DENND2C: variants seen among roughly 807,000 people sequenced by gnomAD.
The protein encoded by DENND2C is DENN domain containing 2C.
Under a neutral mutation model 112.4 loss-of-function variants are expected in DENND2C, and 72 were observed. The ratio of observed to expected loss-of-function variants is 0.64; its 90% CI spans 0.53 to 0.78. DENND2C has a LOEUF of 0.78. Among genes scored for constraint, DENND2C ranks in the 30% least tolerant of loss-of-function variants. The pLI is 0.00. For synonymous variants in DENND2C, 329 were observed against 381.6 expected (o/e 0.86, Z 1.61); for missense variants, 992 against 1,113.8 (o/e 0.89, Z 1.56).
intron 17 of DENND2C, among the ~76,000 whole-genome samples, 190 bp from the exon 18 acceptor site, chr1:114,594,768 A>C (rs1201554950): frequency 6.6e-6 from 1 of 152,172 alleles, no homozygotes; most frequent in Admixed American, 6.5e-5. Context: ...AACTATATTA[A>C]AAAAATATAT....
At chr1:114,613,774 G>A (rs988910192) in intron 8 of DENND2C, among the ~76,000 whole-genome samples, 2 of 152,270 alleles carry the variant, frequency 1.3e-5, no homozygotes, top group East Asian at 3.9e-4. Flanking sequence ...ATGAATGAAG[G>A]TTAGTGGGAT....
At chr1:114,636,263 A>T (rs1354386053) in intron 3 of DENND2C, among the ~76,000 whole-genome samples, 3 of 152,140 alleles carry the variant, frequency 2.0e-5, no homozygotes, top group Admixed American at 2.0e-4. Flanking sequence ...TAAATAAAAA[A>T]ACCCACTGCT....
At chr1:114,637,982 A>G (rs1045938155) in intron 3 of DENND2C, among the ~76,000 whole-genome samples, 2 of 152,192 alleles carry the variant, frequency 1.3e-5, no homozygotes, top group Non-Finnish European at 2.9e-5. Flanking sequence ...AAGAATCTAG[A>G]TTAGCCTAAA....
intron 2 of DENND2C, among the ~76,000 whole-genome samples, chr1:114,649,433 G>A (rs1266393720): frequency 2.0e-5 from 3 of 151,938 alleles, no homozygotes; most frequent in Admixed American, 6.6e-5. Flanking sequence ...CCAGAGGCAC[G>A]GTGTGATCAT....
chr1:114,659,963 T>TG (rs35254129), intron 1 of DENND2C, among the ~76,000 whole-genome samples: 133,071 of 152,038 alleles, frequency 0.88, 58,740 homozygotes, highest in African/African-American at 0.96. Context: ...GCTAATTTTT[T>TG]TATTTTTAGT....
chr1:114,648,992 T>C (rs780453401), intron 2 of DENND2C, among the ~76,000 whole-genome samples: 3 of 152,078 alleles, frequency 2.0e-5, no homozygotes, highest in Non-Finnish European at 4.4e-5. Flanking sequence ...CTCACTCTTG[T>C]CGCCCAGGCT....
intron 10 of DENND2C, 33 bp downstream of exon 10, chr1:114,608,653 T>C (rs747012097): frequency 6.2e-7 from 1 of 1,604,386 alleles, no homozygotes; most frequent in Non-Finnish European, 8.5e-7. Flanking sequence ...CACAGGAACA[T>C]TCCTGAATGC....
Position 114,611,123 on chromosome 1 carries a change from A to G in DENND2C, c.1325-6T>C. On this transcript the variant is annotated splice_polypyrimidine_tract_variant and splice_region_variant and intron_variant, in intron 8 of 20. Transcript: ENST00000393274. The stretch of plus-strand genomic sequence containing the variant: ...TTCGTTCCCACTGGTTTCACCTGAA[A>G]AGAGAGAAGGAGTTTCCATTTGTAT... The G allele has an allele frequency of 6.2e-7, 1 of 1,614,138 alleles. No individual in the cohort carries two copies. Among genetic ancestry groups the G allele is most frequent in the Non-Finnish European group, 8.5e-7 (1 of 1,179,980 alleles).
chr1:114,648,016 C>T (rs1317247551), intron 2 of DENND2C, among the ~76,000 whole-genome samples: 1 of 152,160 alleles, frequency 6.6e-6, no homozygotes, highest in Non-Finnish European at 1.5e-5. Context: ...CCATGTTGGC[C>T]AGGCTGGTCT....
intron 2 of DENND2C, among the ~76,000 whole-genome samples, chr1:114,650,271 TGAG>T (rs1657117140): frequency 6.6e-6 from 1 of 151,698 alleles, no homozygotes; most frequent in East Asian, 1.9e-4. Flanking sequence ...TGCAGTGGGC[TGAG>T]ATCATGCCAT....
At chr1:114,609,397 C>T (rs781322486) in intron 9 of DENND2C, among the ~76,000 whole-genome samples, 7 of 152,180 alleles carry the variant, frequency 4.6e-5, no homozygotes, top group Non-Finnish European at 8.8e-5. Context: ...GTTCCCTTCT[C>T]TCCTTGCCAC....
chr1:114,619,940 A>G (rs758463910), intron 7 of DENND2C, among the ~76,000 whole-genome samples: 3 of 152,202 alleles, frequency 2.0e-5, no homozygotes, highest in Non-Finnish European at 4.4e-5. Flanking sequence ...CTAAGAAATG[A>G]CGGAAATCAT....
In DENND2C at chr1:114,582,915, C is replaced by G. The variant is rs1654938162; in HGVS notation, c.*2685G>C. The G allele has an allele frequency of 6.6e-6, 1 of 152,180 alleles. No individual in the cohort carries two copies. The highest frequency in any genetic ancestry group is 2.4e-5 in the African/African-American group (1 of 41,462). 9.4% of individuals were successfully genotyped at this position (152,180 alleles called of 1,614,324 possible). A position where few individuals can be genotyped will look rare whatever the true frequency, so the allele number is the denominator to read the frequency against. On this transcript the variant is annotated 3_prime_UTR_variant, in exon 21 of 21. Coordinates refer to ENST00000393274, the MANE Select transcript of DENND2C (RefSeq NM_001256404.2). The stretch of plus-strand genomic sequence containing the variant: ...ACAACATTTTATACAAATCTTGATT[C>G]TTTTACAAAAATATCCAGAATTCCT...
At chr1:114,659,753 C>T (rs1657439942) in intron 1 of DENND2C, among the ~76,000 whole-genome samples, 1 of 144,964 alleles carries the variant, frequency 6.9e-6, no homozygotes, top group Non-Finnish European at 1.5e-5. Context: ...TCCTTTCTTC[C>T]TTCCCTCCCT....
intron 1 of DENND2C, among the ~76,000 whole-genome samples, chr1:114,663,110 T>C (rs1324565225): frequency 6.6e-6 from 1 of 152,236 alleles, no homozygotes; most frequent in Non-Finnish European, 1.5e-5. Flanking sequence ...TATAATTTGC[T>C]ATACTGCTTA....
intron 1 of DENND2C, among the ~76,000 whole-genome samples, chr1:114,669,107 TTATC>T (rs2101705477): frequency 6.6e-6 from 1 of 152,296 alleles, no homozygotes; most frequent in African/African-American, 2.4e-5. Context: ...ATCTATCACT[TTATC>T]TAAAACACTG....
intron 1 of DENND2C, among the ~76,000 whole-genome samples, chr1:114,663,517 G>A (rs1353653407): frequency 6.6e-6 from 1 of 152,256 alleles, no homozygotes; most frequent in South Asian, 2.1e-4. Flanking sequence ...AAAAACAGGA[G>A]GTATGATTTC....
At chr1:114,613,388 T>A (rs1655875227) in intron 8 of DENND2C, among the ~76,000 whole-genome samples, 2 of 152,160 alleles carry the variant, frequency 1.3e-5, no homozygotes, top group Admixed American at 1.3e-4. Context: ...TAATAAGGAA[T>A]AAGAGAACAT....
chr1:114,631,300 C>T (rs1033307516), intron 3 of DENND2C, among the ~76,000 whole-genome samples: 1 of 151,944 alleles, frequency 6.6e-6, no homozygotes, highest in African/African-American at 2.4e-5. Context: ...TGCTTGTACA[C>T]AGGAGGAGGA....
Sources: gnomAD v4.1 joint callset for allele counts (sites outside exome capture counted in the v4.1 genomes callset) on GRCh38, gnomAD v4.1.1 for gene constraint, MANE v1.5 for transcripts, NCBI Gene and HGNC (gene_info 2026-07-23, HGNC 2026-07-21) for gene names.